The following NAA16 variants were observed in gnomAD, a reference collection of about 807,000 sequenced individuals.
The protein encoded by NAA16 is N-alpha-acetyltransferase 16, NatA auxiliary subunit.
NAA16 carries 97 observed loss-of-function variants against 110.3 expected under a neutral mutation model. The ratio of observed to expected loss-of-function variants is 0.88; its 90% confidence interval spans 0.75 to 1.04. The LOEUF is 1.04. NAA16 is among the 50% of genes least tolerant of loss of function. NAA16 has a pLI of 0.00. For synonymous variants in NAA16, 372 were observed against 330.6 expected (o/e 1.13, Z -1.36); for missense variants, 1,017 against 1,005.1 (o/e 1.01, Z -0.16).
intron 4 of NAA16, among the ~76,000 whole-genome samples, chr13:41,322,225 A>G (rs981925630): frequency 2.0e-5 from 3 of 150,004 alleles, no homozygotes. Flanking sequence ...CTAAAGAAAA[A>G]AAGGAGAGCT....
At chr13:41,362,381 GA>G in intron 13 of NAA16, 2 of 446,506 alleles carry the variant, frequency 4.5e-6, no homozygotes, top group Non-Finnish European at 7.8e-6. Flanking sequence ...TTGTCTGAAG[GA>G]AAAAGATTGT....
chr13:41,344,836 T>G (rs1239554156), intron 9 of NAA16, among the ~76,000 whole-genome samples: 1 of 152,216 alleles, frequency 6.6e-6, no homozygotes, highest in Non-Finnish European at 1.5e-5. Context: ...CAATGTAATG[T>G]TTTGTCATCC....
intron 4 of NAA16, among the ~76,000 whole-genome samples, chr13:41,322,636 GCTGTGTCTGTC>G (rs535997568): frequency 5.3e-5 from 8 of 152,234 alleles, no homozygotes; most frequent in East Asian, 1.9e-4. Flanking sequence ...GTTTCGCCTG[GCTGTGTCTGTC>G]CTGTGTCTGG....
chr13:41,373,555 G>A, intron 17 of NAA16, 82 bp from the exon 18 acceptor site: 6 of 1,437,326 alleles, frequency 4.2e-6, no homozygotes, highest in East Asian at 2.6e-5. Context: ...ACCGCGCCCA[G>A]CCATAAAGGG....
chr13:41,327,458 T>TA (rs5803086), intron 6 of NAA16, among the ~76,000 whole-genome samples: 127,673 of 147,962 alleles, frequency 0.86, 55,118 homozygotes, highest in African/African-American at 0.9. Context: ...TATTTAATCT[T>TA]AAAAAAAAAA....
intron 8 of NAA16, among the ~76,000 whole-genome samples, chr13:41,333,495 G>T (rs1052732595): frequency 6.6e-6 from 1 of 151,996 alleles, no homozygotes; most frequent in Non-Finnish European, 1.5e-5. Flanking sequence ...TCTGTTTTTG[G>T]ACATTTGAAA....
intron 5 of NAA16, among the ~76,000 whole-genome samples, chr13:41,323,512 G>A (rs1213045039): frequency 2.6e-5 from 4 of 151,612 alleles, no homozygotes; most frequent in East Asian, 1.9e-4. Context: ...CACCACGCCC[G>A]GCTAATTTTT....
chr13:41,344,592 AG>A (rs1383632311), intron 9 of NAA16, among the ~76,000 whole-genome samples: 6 of 152,212 alleles, frequency 3.9e-5, no homozygotes. Flanking sequence ...TTCCTAACAA[AG>A]GATTCTACTG....
chr13:41,322,491 A>G (rs1404564820), intron 4 of NAA16, among the ~76,000 whole-genome samples: 1 of 152,192 alleles, frequency 6.6e-6, no homozygotes, highest in Non-Finnish European at 1.5e-5. Context: ...GATGGGTGAT[A>G]CACGTTAGTG....
At chr13:41,353,227 A>C (rs2042887702) in intron 9 of NAA16, among the ~76,000 whole-genome samples, 1 of 152,152 alleles carries the variant, frequency 6.6e-6, no homozygotes, top group Non-Finnish European at 1.5e-5. Context: ...TAGATGGCGC[A>C]AGTTCCTGAA....
At chr13:41,334,657 G>C (rs1377770097) in intron 8 of NAA16, among the ~76,000 whole-genome samples, 1 of 152,164 alleles carries the variant, frequency 6.6e-6, no homozygotes, top group African/African-American at 2.4e-5. Flanking sequence ...TAAATAATAA[G>C]TAATCTGGGG....
chr13:41,368,984 C>T lies in NAA16; in HGVS notation c.1754-106C>T, dbSNP rs977670024. 9.8e-6 allele frequency: 9 copies of T among 916,476 alleles called. No individual in the cohort carries two copies. In the Admixed American group the frequency reaches 1.9e-4, roughly 20 times the overall value. 56.8% of individuals were successfully genotyped at this position (916,476 alleles called of 1,614,324 possible). ...GTGGGGGTGGGGGTCATGAACCAAT[C>T]CCCCACTGATACCAAGGGACAACCA... On this transcript the variant is annotated intron_variant, in intron 14 of 19. Coordinates refer to ENST00000379406, the MANE Select transcript of NAA16 (RefSeq NM_024561.5).
chr13:41,319,976 G>A (rs1327801728), intron 3 of NAA16, among the ~76,000 whole-genome samples: 1 of 151,526 alleles, frequency 6.6e-6, no homozygotes, highest in South Asian at 2.1e-4. Context: ...TATTGAACAC[G>A]AATAATCTTA....
chr13:41,345,707 T>TGAG (rs1053184875), intron 9 of NAA16, among the ~76,000 whole-genome samples: 1 of 152,132 alleles, frequency 6.6e-6, no homozygotes, highest in African/African-American at 2.4e-5. Flanking sequence ...CTCCACTTCC[T>TGAG]GAGTATCTGG....
At chr13:41,373,177 A>G (rs938159830) in intron 17 of NAA16, 2 of 896,428 alleles carry the variant, frequency 2.2e-6, no homozygotes, top group African/African-American at 3.6e-5. Flanking sequence ...TTAGGCTAGG[A>G]TGTATTTATA....
At chr13:41,368,082 ACT>A (rs577595652) in intron 14 of NAA16, among the ~76,000 whole-genome samples, 389 of 152,288 alleles carry the variant, frequency 2.6e-3, no homozygotes, top group Non-Finnish European at 4.6e-3. Context: ...ATGTCTGTGG[ACT>A]AGTTTTTTTC....
intron 14 of NAA16, among the ~76,000 whole-genome samples, chr13:41,368,002 A>G (rs2043240780): frequency 6.6e-6 from 1 of 152,238 alleles, no homozygotes; most frequent in Non-Finnish European, 1.5e-5. Flanking sequence ...GTTCAAGACC[A>G]GTCTGGGCAA....
At position 41,362,092 on chromosome 13, in the gene NAA16, G is replaced by T; in HGVS notation, c.1472G>T (p.Cys491Phe). 1 of 1,610,212 alleles carries T rather than the reference G, an allele frequency of 6.2e-7. No individual in the cohort carries two copies. Among genetic ancestry groups the T allele is most frequent in the Non-Finnish European group, 8.5e-7 (1 of 1,178,606 alleles). ...CAGTGTATGTGGTTTCAGACAGAATGCATTTCAGCTTATCAGCGTCTGGGG... is the reference window on the plus strand; with the variant it reads ...CAGTGTATGTGGTTTCAGACAGAATTCATTTCAGCTTATCAGCGTCTGGGG... ...EMQCMWFQTE[C>F]ISAYQRLGRY... is the part of the protein sequence containing the mutation. Residue 491 changes from cysteine (C) to phenylalanine (F), a missense_variant, in exon 13 of 20, where the codon TGC becomes TTC. Physicochemically the swap from Cys to Phe is radical, Grantham distance 205. Transcript: ENST00000379406.
chr13:41,359,034 CAGTT>C, intron 12 of NAA16, 72 bp downstream of exon 12: 1 of 1,336,114 alleles, frequency 7.5e-7, no homozygotes, highest in Non-Finnish European at 1.0e-6. Context: ...TAAATTAAGA[CAGTT>C]TGTGAAGAAC....
Sources: allele counts gnomAD v4.1 joint callset (sites outside exome capture counted in the v4.1 genomes callset), GRCh38; gene constraint gnomAD v4.1.1; transcripts MANE v1.5; gene names NCBI Gene and HGNC (gene_info 2026-07-23, HGNC 2026-07-21).